The following BAZ2B variants were observed in gnomAD, a reference collection of about 807,000 sequenced individuals.
BAZ2B encodes the protein bromodomain adjacent to zinc finger domain 2B.
In BAZ2B, 91 loss-of-function variants were observed where a neutral mutation model predicts 246.0. The observed-to-expected ratio is 0.37, with a 90% CI of 0.31 to 0.44. The LOEUF (loss-of-function observed/expected upper bound fraction) is 0.44. Among genes scored for constraint, BAZ2B ranks in the 20% least tolerant of loss-of-function variants. The pLI is 1.00. For synonymous variants in BAZ2B, 855 were observed against 860.0 expected (o/e 0.99, Z 0.10); for missense variants, 2,332 against 2,533.7 (o/e 0.92, Z 1.71).
the BAZ2B span, among the ~76,000 whole-genome samples, chr2:159,678,807 C>T: frequency 6.6e-6 from 1 of 152,126 alleles, no homozygotes; most frequent in East Asian, 1.9e-4. Context: ...CTCCAAAATC[C>T]CTTGTACTAT....
At chr2:159,559,688 T>A (rs2089622335) in intron 1 of BAZ2B, among the ~76,000 whole-genome samples, 1 of 152,116 alleles carries the variant, frequency 6.6e-6, no homozygotes, top group African/African-American at 2.4e-5. Flanking sequence ...AGGAAAAAAA[T>A]ATGTGAAATT....
intron 31 of BAZ2B, among the ~76,000 whole-genome samples, chr2:159,341,015 C>T (rs1295160322): frequency 6.6e-6 from 1 of 151,992 alleles, no homozygotes; most frequent in Non-Finnish European, 1.5e-5. Flanking sequence ...GGAGTAAGCA[C>T]TCACCTATAA....
intron 3 of BAZ2B, among the ~76,000 whole-genome samples, chr2:159,456,983 T>C (rs1168198718): frequency 6.6e-6 from 1 of 152,224 alleles, no homozygotes; most frequent in African/African-American, 2.4e-5. Flanking sequence ...AACTCAGTGA[T>C]ATTTTTAAAA....
chr2:159,373,248 T>C (rs569491541), intron 26 of BAZ2B, 59 bp from the exon 27 acceptor site: 66 of 1,488,978 alleles, frequency 4.4e-5, no homozygotes, highest in Admixed American at 8.0e-5. Context: ...TAAAAATTAA[T>C]ATATATGTAA....
chr2:159,505,054 T>C (rs1392438288), intron 2 of BAZ2B, among the ~76,000 whole-genome samples: 2 of 152,210 alleles, frequency 1.3e-5, no homozygotes, highest in Non-Finnish European at 2.9e-5. Context: ...AATAATATTA[T>C]GAAAATGACT....
chr2:159,551,893 G>A (rs1335232884), intron 2 of BAZ2B, among the ~76,000 whole-genome samples: 2 of 152,130 alleles, frequency 1.3e-5, no homozygotes, highest in East Asian at 1.9e-4. Flanking sequence ...AGTGCTTTAT[G>A]AGCAATGTTT....
intron 13 of BAZ2B, among the ~76,000 whole-genome samples, chr2:159,415,782 T>C (rs959371650): frequency 6.6e-6 from 1 of 152,324 alleles, no homozygotes; most frequent in East Asian, 1.9e-4. Flanking sequence ...AAGAAGTCTA[T>C]GAATATCGCA....
At chr2:159,659,319 T>C in the BAZ2B span, among the ~76,000 whole-genome samples, 1 of 152,206 alleles carries the variant, frequency 6.6e-6, no homozygotes, top group South Asian at 2.1e-4. Flanking sequence ...TATCTGTGTG[T>C]GGGTTGCAGA....
chr2:159,524,508 G>C (rs1324957754), intron 2 of BAZ2B, among the ~76,000 whole-genome samples: 1 of 151,968 alleles, frequency 6.6e-6, no homozygotes, highest in East Asian at 1.9e-4. Flanking sequence ...GCTGCTTTTT[G>C]GGGTAGAGGA....
intron 27 of BAZ2B, among the ~76,000 whole-genome samples, chr2:159,350,845 T>A (rs1020485268): frequency 2.0e-5 from 3 of 148,798 alleles, no homozygotes; most frequent in Non-Finnish European, 3.0e-5. Context: ...AGTGCAGGGA[T>A]AACAGGCATG....
At chr2:159,564,933 C>T (rs939223989) in intron 1 of BAZ2B, among the ~76,000 whole-genome samples, 16 of 152,150 alleles carry the variant, frequency 1.1e-4, no homozygotes, top group Non-Finnish European at 1.9e-4. Flanking sequence ...TGAAGTGGTA[C>T]GATCTTGGCT....
At chr2:159,680,846 T>C in the BAZ2B span, among the ~76,000 whole-genome samples, 1 of 152,204 alleles carries the variant, frequency 6.6e-6, no homozygotes, top group Non-Finnish European at 1.5e-5. Flanking sequence ...TGTGGAGTTA[T>C]ATTGGCCCAG....
At chr2:159,414,783 C>A (rs2067389306) in intron 13 of BAZ2B, among the ~76,000 whole-genome samples, 1 of 150,290 alleles carries the variant, frequency 6.7e-6, no homozygotes, top group African/African-American at 2.4e-5. Context: ...AACCACTGTA[C>A]TCCAGCCTGG....
chr2:159,561,792 C>T (rs1011648410), intron 1 of BAZ2B, among the ~76,000 whole-genome samples: 3 of 152,098 alleles, frequency 2.0e-5, no homozygotes, highest in Admixed American at 6.6e-5. Context: ...AGGATATGTA[C>T]ATTTCAATAA....
At chr2:159,346,042 A>G (rs1222088375) in intron 31 of BAZ2B, among the ~76,000 whole-genome samples, 1 of 152,238 alleles carries the variant, frequency 6.6e-6, no homozygotes, top group African/African-American at 2.4e-5. Flanking sequence ...TCCAGAAAAT[A>G]AAATAGTGTG....
At chr2:159,493,429 G>A (rs996727567) in intron 2 of BAZ2B, among the ~76,000 whole-genome samples, 1 of 152,070 alleles carries the variant, frequency 6.6e-6, no homozygotes, top group Non-Finnish European at 1.5e-5. Flanking sequence ...TGAGTAACTC[G>A]ACTATTAAAA....
At chr2:159,450,300 G>A (rs2074877680) in intron 4 of BAZ2B, among the ~76,000 whole-genome samples, 1 of 151,900 alleles carries the variant, frequency 6.6e-6, no homozygotes, top group African/African-American at 2.4e-5. Flanking sequence ...ACTTGAGCCT[G>A]GGAAATGGAG....
chr2:159,354,476 A>G (rs2058880133), intron 27 of BAZ2B, among the ~76,000 whole-genome samples: 1 of 152,088 alleles, frequency 6.6e-6, no homozygotes, highest in Admixed American at 6.5e-5. Flanking sequence ...TCAGTCTCCC[A>G]AGTAGCTGAG....
intron 29 of BAZ2B, 84 bp downstream of exon 29, chr2:159,348,923 G>A: frequency 1.3e-6 from 2 of 1,551,064 alleles, no homozygotes; most frequent in Non-Finnish European, 1.7e-6. Context: ...ACTATATATA[G>A]AACCATCAAA....
Sources: allele counts gnomAD v4.1 joint callset (sites outside exome capture counted in the v4.1 genomes callset), GRCh38; gene constraint gnomAD v4.1.1; transcripts MANE v1.5; gene names NCBI Gene and HGNC (gene_info 2026-07-23, HGNC 2026-07-21).